Variants in ATXN1 observed in about 807,000 individuals in gnomAD.
The protein encoded by ATXN1 is ataxin-1.
Under a neutral mutation model 56.4 loss-of-function variants are expected in ATXN1, and 8 were observed. The observed-to-expected ratio is 0.14, with a 90% CI of 0.08 to 0.26. The LOEUF (loss-of-function observed/expected upper bound fraction) is 0.26, where lower values mean the gene tolerates loss of function less well. ATXN1 is among the 10% of genes least tolerant of loss of function. ATXN1 has a pLI of 1.00. For missense variants in ATXN1, 987 were observed against 1,106.5 expected (o/e 0.89, Z 1.53); for synonymous variants, 514 against 494.6 (o/e 1.04, Z -0.52).
At chr6:16,465,972 A>G (rs1760096189) in intron 6 of ATXN1, among the ~76,000 whole-genome samples, 1 of 152,190 alleles carries the variant, frequency 6.6e-6, no homozygotes, top group African/African-American at 2.4e-5. Context: ...AAGAAAAGTC[A>G]TAGCGAACTG....
intron 7 of ATXN1, among the ~76,000 whole-genome samples, chr6:16,310,955 G>A (rs1260195002): frequency 1.3e-5 from 2 of 152,112 alleles, no homozygotes; most frequent in Non-Finnish European, 2.9e-5. Flanking sequence ...TTTCTAGAAT[G>A]ACAGACTTTA....
intron 6 of ATXN1, among the ~76,000 whole-genome samples, chr6:16,355,966 T>A (rs889222586): frequency 1.3e-5 from 2 of 152,196 alleles, no homozygotes; most frequent in Non-Finnish European, 2.9e-5. Context: ...AAACTGCAGA[T>A]GAAGGGCTGA....
chr6:16,486,182 T>C (rs1250030437), intron 5 of ATXN1, 73 bp from the exon 6 acceptor site: 1 of 152,158 alleles, frequency 6.6e-6, no homozygotes, highest in East Asian at 1.9e-4. Flanking sequence ...TCTGAACAAA[T>C]ACAGTCTCAC....
chr6:16,730,289 A>T (rs984012096), intron 2 of ATXN1, among the ~76,000 whole-genome samples: 1 of 152,116 alleles, frequency 6.6e-6, no homozygotes, highest in African/African-American at 2.4e-5. Flanking sequence ...TCCCAAAATA[A>T]ATAAATTAAT....
intron 3 of ATXN1, among the ~76,000 whole-genome samples, chr6:16,625,447 G>T (rs889056588): frequency 6.6e-6 from 1 of 152,122 alleles, no homozygotes; most frequent in Admixed American, 6.6e-5. Context: ...TTTACAAGGC[G>T]CTGAGTTAGA....
At chr6:16,533,202 AT>A (rs1175029694) in intron 4 of ATXN1, among the ~76,000 whole-genome samples, 1 of 152,224 alleles carries the variant, frequency 6.6e-6, no homozygotes, top group Non-Finnish European at 1.5e-5. Context: ...GGGAAAAATG[AT>A]GAATTTTATC....
chr6:16,491,442 G>A (rs1453616300), intron 5 of ATXN1, among the ~76,000 whole-genome samples: 7 of 151,582 alleles, frequency 4.6e-5, no homozygotes, highest in African/African-American at 1.7e-4. Flanking sequence ...CAGCCACTAC[G>A]CCCGGCTAAT....
chr6:16,716,950 TAAG>T (rs1759653785), intron 2 of ATXN1, among the ~76,000 whole-genome samples: 2 of 152,168 alleles, frequency 1.3e-5, no homozygotes, highest in South Asian at 2.1e-4. Context: ...AAGGGACTTA[TAAG>T]AAGGACAATA....
At chr6:16,385,014 G>A (rs1475100266) in intron 6 of ATXN1, among the ~76,000 whole-genome samples, 1 of 152,188 alleles carries the variant, frequency 6.6e-6, no homozygotes, top group African/African-American at 2.4e-5. Flanking sequence ...AGACCAGGAG[G>A]GAAAAGTTAG....
At chr6:16,574,437 G>A (rs1012871021) in intron 4 of ATXN1, among the ~76,000 whole-genome samples, 3 of 152,142 alleles carry the variant, frequency 2.0e-5, no homozygotes, top group Admixed American at 6.5e-5. Context: ...TCGAACTCCC[G>A]ACCTCAGGTG....
intron 3 of ATXN1, among the ~76,000 whole-genome samples, chr6:16,604,341 AC>A (rs139048428): frequency 0.13 from 18,291 of 136,376 alleles, 1,376 homozygotes; most frequent in East Asian, 0.27. Context: ...AAAAAAAAAA[AC>A]AAAAATTATC....
rs551537552 is a variant in ATXN1, at chr6:16,309,589, A to G, written c.1918-2730T>C. On this transcript the variant is annotated intron_variant, in intron 7 of 7. Coordinates refer to ENST00000436367, the MANE Select transcript of ATXN1 (RefSeq NM_001128164.2). ...GAGGTAATGGCTAAGAATTTTCCCAAACTGAAGAAGGATAATAAGACAGTT... is the reference window on the plus strand; with the variant it reads ...GAGGTAATGGCTAAGAATTTTCCCAGACTGAAGAAGGATAATAAGACAGTT... Among the ~76,000 whole-genome samples, 12 of 152,304 alleles carry G rather than the reference A, an allele frequency of 7.9e-5. No individual in the cohort carries two copies. The South Asian group carries it at 2.5e-3, about 32-fold the overall frequency.
chr6:16,607,969 C>G (rs1763040482), intron 3 of ATXN1, among the ~76,000 whole-genome samples: 2 of 152,186 alleles, frequency 1.3e-5, no homozygotes, highest in African/African-American at 4.8e-5. Flanking sequence ...CATATATAAT[C>G]TTGTTAGTAA....
intron 6 of ATXN1, among the ~76,000 whole-genome samples, chr6:16,358,308 G>C (rs1438437379): frequency 6.6e-6 from 1 of 152,136 alleles, no homozygotes; most frequent in Non-Finnish European, 1.5e-5. Context: ...TCCCACTACT[G>C]GGTATCTACC....
chr6:16,413,128 A>C (rs1758832524), intron 6 of ATXN1, among the ~76,000 whole-genome samples: 2 of 152,372 alleles, frequency 1.3e-5, no homozygotes, highest in South Asian at 4.1e-4. Context: ...TAAATGTGCC[A>C]GTCATTATGC....
rs369907304 is a variant in ATXN1, at chr6:16,306,146, C to T, written c.*183G>A. On this transcript the variant is annotated 3_prime_UTR_variant, in exon 8 of 8. Transcript: ENST00000436367. The surrounding 1 kb of genome is among the most constrained non-coding windows in gnomAD (Gnocchi z 5.2). ...TCCCGCCCGCTCACTGACAGACACTCGTGGAAAAAGCATATGCACCAGTCT... is the reference window on the plus strand; with the variant it reads ...TCCCGCCCGCTCACTGACAGACACTTGTGGAAAAAGCATATGCACCAGTCT... The T allele has an allele frequency of 1.6e-4, 112 of 714,054 alleles. 2 individuals are homozygous for T. In the East Asian group the frequency reaches 1.9e-3, roughly 12 times the overall value. 44.2% of individuals were successfully genotyped at this position (714,054 alleles called of 1,614,324 possible).
intron 4 of ATXN1, among the ~76,000 whole-genome samples, chr6:16,535,751 T>G (rs1467997907): frequency 6.6e-6 from 1 of 152,176 alleles, no homozygotes; most frequent in Non-Finnish European, 1.5e-5. Flanking sequence ...TGTGTGAGTG[T>G]GTCTGTGTAC....
chr6:16,504,993 C>CTTTTTTTTTTTTTT (rs34197922), intron 5 of ATXN1, among the ~76,000 whole-genome samples: 82 of 135,274 alleles, frequency 6.1e-4, no homozygotes, highest in Middle Eastern at 3.9e-3. Context: ...CTCCTGTTTC[C>CTTTTTTTTTTTTTT]TTTTTTTTTT....
chr6:16,525,164 A>G (rs115943989), intron 4 of ATXN1, among the ~76,000 whole-genome samples: 1,695 of 152,286 alleles, frequency 0.011, 34 homozygotes, highest in African/African-American at 0.039. Context: ...AAATCCCACG[A>G]CTGGGTATAT....
Sources: gnomAD v4.1 joint callset for allele counts (sites outside exome capture counted in the v4.1 genomes callset) on GRCh38, gnomAD v4.1.1 for gene constraint, Gnocchi (gnomAD v3.1) non-coding constraint, MANE v1.5 for transcripts, NCBI Gene and HGNC (gene_info 2026-07-23, HGNC 2026-07-21) for gene names.